The following CDH18 variants were observed in gnomAD, a reference collection of about 807,000 sequenced individuals.
The protein encoded by CDH18 is cadherin-18.
In CDH18, 31 loss-of-function variants were observed where a neutral mutation model predicts 67.9. The ratio of observed to expected loss-of-function variants is 0.46; its 90% CI spans 0.34 to 0.62. The LOEUF (loss-of-function observed/expected upper bound fraction) is 0.62, where lower values mean the gene tolerates loss of function less well. Ranked by LOEUF, CDH18 falls within the 20% of genes least tolerant of loss-of-function variation. The pLI is 0.01. For synonymous variants in CDH18, 362 were observed against 347.2 expected, an observed-to-expected ratio of 1.04 and a Z score of -0.48; for missense variants, 890 against 975.5, an observed-to-expected ratio of 0.91 and a Z score of 1.17.
intron 1 of CDH18, among the ~76,000 whole-genome samples, chr5:20,436,240 TGTTGTTA>T (rs1328568073): frequency 6.6e-6 from 1 of 151,916 alleles, no homozygotes; most frequent in East Asian, 1.9e-4. Context: ...CAGAAACAGT[TGTTGTTA>T]ATTGGGTCCA....
At chr5:19,735,540 C>T (rs181946530) in intron 4 of CDH18, among the ~76,000 whole-genome samples, 1,898 of 151,932 alleles carry the variant, frequency 0.012, 37 homozygotes, top group African/African-American at 0.043. Flanking sequence ...GGACCACAGG[C>T]GCCCACCACC....
intron 2 of CDH18, among the ~76,000 whole-genome samples, chr5:20,004,979 A>G (rs1030290566): frequency 1.3e-5 from 2 of 152,206 alleles, no homozygotes; most frequent in Non-Finnish European, 2.9e-5. Flanking sequence ...GAAAAAATAG[A>G]AAGTAAATTT....
intron 1 of CDH18, among the ~76,000 whole-genome samples, chr5:20,416,081 A>G (rs1440551976): frequency 6.6e-6 from 1 of 152,170 alleles, no homozygotes; most frequent in Non-Finnish European, 1.5e-5. Flanking sequence ...TTGTGCCTAT[A>G]GTTAATTCTA....
chr5:20,053,244 T>A lies in CDH18; in HGVS notation c.-517-61230A>T, dbSNP rs577182699. On this transcript the variant is annotated intron_variant, in intron 2 of 14. Transcript: ENST00000507958. ...TCCATATATATGATACATAAATATA[T>A]ATCATACAGTCCATATATACATATA... is the stretch of plus-strand genomic sequence containing the variant. Among the ~76,000 whole-genome samples, 61 of 151,408 alleles carry A rather than the reference T, an allele frequency of 4.0e-4. 1 individual carries two copies. Among genetic ancestry groups the A allele is most frequent in the African/African-American group, 1.3e-3 (55 of 41,330 alleles).
chr5:20,232,171 A>T (rs1028900993), intron 2 of CDH18, among the ~76,000 whole-genome samples: 6 of 147,142 alleles, frequency 4.1e-5, no homozygotes, highest in African/African-American at 9.9e-5. Context: ...GTTTCTATTT[A>T]TTTTTTTTTT....
intron 1 of CDH18, among the ~76,000 whole-genome samples, chr5:20,455,130 C>T (rs1750751058): frequency 6.6e-6 from 1 of 151,702 alleles, no homozygotes; most frequent in South Asian, 2.1e-4. Context: ...CAATGACTGG[C>T]TCATGGTAGG....
chr5:20,485,814 A>C (rs1042810945), intron 1 of CDH18, among the ~76,000 whole-genome samples: 2 of 152,220 alleles, frequency 1.3e-5, no homozygotes, highest in South Asian at 4.1e-4. Context: ...AACATGTCAT[A>C]GTTAACATAA....
At chr5:20,225,434 G>T (rs911736624) in intron 2 of CDH18, among the ~76,000 whole-genome samples, 8 of 152,042 alleles carry the variant, frequency 5.3e-5, no homozygotes, top group Non-Finnish European at 1.2e-4. Flanking sequence ...GATAAAAAAA[G>T]ACCTTTACGT....
chr5:20,428,802 C>G (rs932623844), intron 1 of CDH18, among the ~76,000 whole-genome samples: 5 of 150,174 alleles, frequency 3.3e-5, no homozygotes, highest in African/African-American at 1.2e-4. Flanking sequence ...ACTTCATTTG[C>G]TACCTTTTAG....
intron 8 of CDH18, among the ~76,000 whole-genome samples, chr5:19,553,663 C>T (rs1426183168): frequency 1.5e-5 from 2 of 129,454 alleles, no homozygotes; most frequent in Non-Finnish European, 3.2e-5. Context: ...TTTTGAGACA[C>T]AGGGTATTGC....
intron 1 of CDH18, among the ~76,000 whole-genome samples, chr5:20,434,880 C>T (rs982671629): frequency 2.5e-4 from 38 of 152,016 alleles, no homozygotes; most frequent in Admixed American, 1.4e-3. Context: ...TCCCTACTGA[C>T]AACTACAAGT....
chr5:20,464,836 T>C (rs1270731380), intron 1 of CDH18, among the ~76,000 whole-genome samples: 1 of 152,078 alleles, frequency 6.6e-6, no homozygotes, highest in African/African-American at 2.4e-5. Context: ...GCTGTGTTAC[T>C]ATGCATTAGG....
intron 2 of CDH18, among the ~76,000 whole-genome samples, chr5:20,112,212 C>T (rs1178624396): frequency 2.0e-5 from 3 of 152,250 alleles, no homozygotes; most frequent in South Asian, 2.1e-4. Flanking sequence ...CAATAATCCA[C>T]CCCAAATAAT....
chr5:19,476,121 A>G (rs1738419953), intron 12 of CDH18, among the ~76,000 whole-genome samples: 3 of 152,052 alleles, frequency 2.0e-5, no homozygotes, highest in African/African-American at 7.2e-5. Context: ...TTGCAGAGGA[A>G]AGGCAAATGG....
At chr5:20,334,650 G>A (rs926263837) in intron 1 of CDH18, among the ~76,000 whole-genome samples, 3 of 151,920 alleles carry the variant, frequency 2.0e-5, no homozygotes, top group Middle Eastern at 3.4e-3. Flanking sequence ...TCCACATTAA[G>A]ATTTCTATAA....
At chr5:19,606,570 A>T (rs1748078379) in intron 6 of CDH18, among the ~76,000 whole-genome samples, 1 of 152,000 alleles carries the variant, frequency 6.6e-6, no homozygotes, top group Non-Finnish European at 1.5e-5. Flanking sequence ...TGCTGAACAA[A>T]CAGCAGAAGA....
At chr5:20,557,582 T>C (rs1003678725) in intron 1 of CDH18, among the ~76,000 whole-genome samples, 2 of 152,012 alleles carry the variant, frequency 1.3e-5, no homozygotes, top group Non-Finnish European at 2.9e-5. Flanking sequence ...CTGATAAAAC[T>C]AAATATGGAT....
chr5:20,193,957 A>G (rs749044346), intron 2 of CDH18, among the ~76,000 whole-genome samples: 2 of 152,122 alleles, frequency 1.3e-5, no homozygotes, highest in Non-Finnish European at 2.9e-5. Flanking sequence ...TCTCAAAATA[A>G]TAAGAGCTAT....
At chr5:19,551,508 A>C (rs923363072) in intron 8 of CDH18, among the ~76,000 whole-genome samples, 2 of 152,300 alleles carry the variant, frequency 1.3e-5, no homozygotes, top group Admixed American at 1.3e-4. Flanking sequence ...TGTCTCCATG[A>C]GTGAAATGGA....
Sources: allele counts gnomAD v4.1 joint callset (sites outside exome capture counted in the v4.1 genomes callset), GRCh38; gene constraint gnomAD v4.1.1; transcripts MANE v1.5; gene names NCBI Gene and HGNC (gene_info 2026-07-23, HGNC 2026-07-21).